RSC1A1: variants seen among roughly 807,000 people sequenced by gnomAD.
RSC1A1 encodes the protein regulator of solute carriers 1.
A neutral mutation model predicts 7.7 loss-of-function variants in RSC1A1; 6 were observed. The observed-to-expected ratio is 0.78, with a 90% confidence interval of 0.43 to 1.53. RSC1A1 has a LOEUF of 1.53. Among genes scored for constraint, RSC1A1 ranks in the 40% most tolerant of loss-of-function variants. The probability of loss-of-function intolerance (pLI) is 0.01; values close to 1 mark genes in which losing one functional copy is unlikely to be tolerated. For missense variants in RSC1A1, 729 were observed against 726.3 expected (o/e 1.00, Z -0.04); for synonymous variants, 250 against 263.0 (o/e 0.95, Z 0.48).
Position 15,660,875 on chromosome 1 carries a change from G to T in RSC1A1, c.1007G>T (p.Gly336Val). 2.5e-6 allele frequency: 4 copies of T among 1,614,132 alleles called. No homozygotes were observed. Among genetic ancestry groups the T allele is most frequent in the South Asian group, 1.1e-5 (1 of 91,080 alleles). Reference protein sequence around the residue: ...YGHYSSPSLCGSCQPSVESAE... With the variant: ...YGHYSSPSLCVSCQPSVESAE... ...CATTACTCCTCTCCAAGTCTCTGTG[G>T]CAGTTGTCAGCCTTCTGTGGAGTCA... is the stretch of plus-strand genomic sequence containing the variant. The change falls in exon 1 of 1, where the codon GGC becomes GTC. Residue 336 changes from glycine (G) to valine (V), a missense_variant. Physicochemically the swap from Gly to Val is moderately radical, Grantham distance 109. Transcript: ENST00000345034.
At chr1:15,659,955 T>TG in the RSC1A1 span, 1 of 1,614,218 alleles carries the variant, frequency 6.2e-7, no homozygotes, top group Non-Finnish European at 8.5e-7. Flanking sequence ...CTATGAGTCT[T>TG]GCTCGCTCTG....
In RSC1A1 at chr1:15,660,066, T is replaced by A; in HGVS notation, c.198T>A (p.Ser66=). 6.2e-7 allele frequency: 1 copy of A among 1,613,954 alleles called. No homozygotes were observed. The highest frequency in any genetic ancestry group is 1.7e-5 in the Admixed American group (1 of 59,920). ...CTTCAGCTGAATTCCAGCTAAACTCTGAAAAGAAAGAACATCTTTCTTTAC... is the reference window on the plus strand; with the variant it reads ...CTTCAGCTGAATTCCAGCTAAACTCAGAAAAGAAAGAACATCTTTCTTTAC... The part of the protein sequence containing the change: ...LKASAEFQLN[S]EKKEHLSLQD... The change falls in exon 1 of 1, where the codon TCT becomes TCA. Residue 66 remains serine (S), a synonymous_variant. Transcript: ENST00000345034.
At position 15,659,830 on chromosome 1, in the gene RSC1A1, C is replaced by T. The variant is rs1557625098; in HGVS notation, c.-39C>T. On this transcript the variant is annotated 5_prime_UTR_variant, in exon 1 of 1. Coordinates refer to ENST00000345034, the MANE Select transcript of RSC1A1 (RefSeq NM_006511.3). Reference sequence around the variant, plus strand: ...AATCTTTTTCCTTTCCCCTGTGTTCCATATAGAGAAAAGTGGTAAAGAATC... The same window carrying T: ...AATCTTTTTCCTTTCCCCTGTGTTCTATATAGAGAAAAGTGGTAAAGAATC... The T allele has an allele frequency of 1.3e-6, 2 of 1,519,776 alleles. No individual in the cohort carries two copies. The highest frequency in any genetic ancestry group is 1.8e-6 in the Non-Finnish European group (2 of 1,140,926). The allele number at this position is 1,519,776 out of a possible 1,614,324, so 94.1% of individuals were successfully genotyped here. A position where few individuals can be genotyped will look rare whatever the true frequency, so the allele number is the denominator to read the frequency against.
At position 15,661,774 on chromosome 1, in the gene RSC1A1, C is replaced by G; in HGVS notation, c.*52C>G. 6.5e-7 allele frequency: 1 copy of G among 1,539,010 alleles called. No individual in the cohort carries two copies. Reference sequence around the variant, plus strand: ...TCCATTCCCTTTAAACAAAAGAAAGCTCTCTCTATATACACGCACACATAC... The same window carrying G: ...TCCATTCCCTTTAAACAAAAGAAAGGTCTCTCTATATACACGCACACATAC... On this transcript the variant is annotated 3_prime_UTR_variant, in exon 1 of 1. Coordinates refer to ENST00000345034, the MANE Select transcript of RSC1A1 (RefSeq NM_006511.3).
In RSC1A1 at chr1:15,660,809, A is replaced by C; in HGVS notation, c.941A>C (p.Glu314Ala). Residue 314 changes from glutamate (E) to alanine (A), a missense_variant, in exon 1 of 1, where the codon GAA becomes GCA. Physicochemically the swap from Glu to Ala is moderately radical, Grantham distance 107. Transcript: ENST00000345034. ...TCCACTCAGGATTTACAGCCCCCAG[A>C]AACTAATGTTGAAATACCTGGAACA... ...SISTQDLQPP[E>A]TNVEIPGTNK... 6.2e-7 allele frequency: 1 copy of C among 1,614,176 alleles called. No homozygotes were observed. Among genetic ancestry groups the C allele is most frequent in the Non-Finnish European group, 8.5e-7 (1 of 1,180,014 alleles).
In RSC1A1 at chr1:15,659,919, A is replaced by G. The variant is rs760625323; in HGVS notation, c.51A>G (p.Ser17=). The part of the protein sequence containing the change: ...SDGFNHPARS[S]GQSPDVGNPM... The stretch of plus-strand genomic sequence containing the variant: ...GGTTTAACCATCCCGCCCGTTCTTC[A>G]GGACAGAGTCCTGATGTTGGTAATC... The change falls in exon 1 of 1, where the codon TCA becomes TCG. Residue 17 remains serine (S), a synonymous_variant. Coordinates refer to ENST00000345034, the MANE Select transcript of RSC1A1 (RefSeq NM_006511.3). 1 of 1,609,458 alleles carries G rather than the reference A, an allele frequency of 6.2e-7. No individual in the cohort carries two copies. Among genetic ancestry groups the G allele is most frequent in the South Asian group, 1.1e-5 (1 of 90,120 alleles).
rs372649223 is a variant in RSC1A1 at position 15,661,129 on chromosome 1, T to G, written c.1261T>G (p.Ser421Ala). 2 of 1,614,022 alleles carry G rather than the reference T, an allele frequency of 1.2e-6. No individual in the cohort carries two copies. The highest frequency in any genetic ancestry group is 4.5e-5 in the East Asian group (2 of 44,888). ...CPQVSFHQAISVSVETEKLTG... is the reference protein window; with the variant it reads ...CPQVSFHQAIAVSVETEKLTG... ...ACAAGTCTCCTTTCATCAGGCCATA[T>G]CTGTATCAGTGGAGACAGAAAAATT... Residue 421 changes from serine to alanine, a missense_variant, in exon 1 of 1, where the codon TCT (serine) becomes GCT (alanine). Coordinates refer to ENST00000345034, the MANE Select transcript of RSC1A1 (RefSeq NM_006511.3).
In RSC1A1 at chr1:15,660,095, A is replaced by G. The variant is rs1405220057; in HGVS notation, c.227A>G (p.Asp76Gly). Residue 76 changes from aspartate (D) to glycine (G), a missense_variant, in exon 1 of 1, where the codon GAT becomes GGT. Physicochemically the swap from Asp to Gly is moderately conservative, Grantham distance 94. Transcript: ENST00000345034. ...AAGAAAGAACATCTTTCTTTACAAGATCTTTCTGATCATGCTTCCTCAGCA... is the reference window on the plus strand; with the variant it reads ...AAGAAAGAACATCTTTCTTTACAAGGTCTTTCTGATCATGCTTCCTCAGCA... ...SEKKEHLSLQ[D>G]LSDHASSADH... 3 of 1,613,962 alleles carry G rather than the reference A, an allele frequency of 1.9e-6. No homozygotes were observed. The highest frequency in any genetic ancestry group is 2.5e-6 in the Non-Finnish European group (3 of 1,179,994).
chr1:15,660,104 A>C lies in RSC1A1; in HGVS notation c.236A>C (p.Asp79Ala). 1 of 1,614,154 alleles carries C rather than the reference A, an allele frequency of 6.2e-7. No individual in the cohort carries two copies. Among genetic ancestry groups the C allele is most frequent in the South Asian group, 1.1e-5 (1 of 91,080 alleles). ...KEHLSLQDLS[D>A]HASSADHAPT... ...CATCTTTCTTTACAAGATCTTTCTG[A>C]TCATGCTTCCTCAGCAGACCATGCT... Residue 79 changes from aspartate to alanine, a missense_variant, in exon 1 of 1, where the codon GAT becomes GCT. Physicochemically the swap from Asp to Ala is moderately radical, Grantham distance 126. Coordinates refer to ENST00000345034, the MANE Select transcript of RSC1A1 (RefSeq NM_006511.3).
In RSC1A1 at chr1:15,659,793, C is replaced by A. The variant is rs1640332320; in HGVS notation, c.-76C>A. 2.7e-6 allele frequency: 4 copies of A among 1,474,510 alleles called. No individual in the cohort carries two copies. Among genetic ancestry groups the A allele is most frequent in the Non-Finnish European group, 3.6e-6 (4 of 1,120,122 alleles). The allele number at this position is 1,474,510 out of a possible 1,614,324, so 91.3% of individuals were successfully genotyped here. On this transcript the variant is annotated 5_prime_UTR_variant, in exon 1 of 1. Transcript: ENST00000345034. ...CCTCTGGTAATTTAGTGGCATTAGT[C>A]ACCTGCTAATTAATCTTTTTCCTTT...
Position 15,661,957 on chromosome 1 carries a change from G to T in RSC1A1, c.*235G>T. On this transcript the variant is annotated 3_prime_UTR_variant, in exon 1 of 1. Coordinates refer to ENST00000345034, the MANE Select transcript of RSC1A1 (RefSeq NM_006511.3). The stretch of plus-strand genomic sequence containing the variant: ...AATTTAGGCCTTTTTAAATGTATTG[G>T]CAGTATGTGCATACAGAAGCTTTTT... 1 of 473,130 alleles carries T rather than the reference G, an allele frequency of 2.1e-6. No individual in the cohort carries two copies. 29.3% of individuals were successfully genotyped at this position (473,130 alleles called of 1,614,324 possible). A position where few individuals can be genotyped will look rare whatever the true frequency, so the allele number is the denominator to read the frequency against.
rs142452950 is a variant in RSC1A1 at position 15,660,482 on chromosome 1, A to T, written c.614A>T (p.Asn205Ile). The T allele has an allele frequency of 2.7e-3, 4,426 of 1,614,096 alleles. 10 individuals carry two copies. Among genetic ancestry groups the T allele is most frequent in the Non-Finnish European group, 3.4e-3 (3,996 of 1,180,014 alleles). Residue 205 changes from asparagine (N) to isoleucine (I), a missense_variant, in exon 1 of 1, where the codon AAT becomes ATT. Physicochemically the swap from Asn to Ile is moderately radical, Grantham distance 149. Transcript: ENST00000345034. ...DLELPEERQQNQHKIVDLEAT... is the reference protein window; with the variant it reads ...DLELPEERQQIQHKIVDLEAT... ...GAGCTTCCTGAAGAAAGGCAACAGA[A>T]TCAACACAAAATTGTTGATTTGGAA...
Position 15,660,426 on chromosome 1 carries a change from C to T in RSC1A1, c.558C>T (p.Asp186=). The T allele has an allele frequency of 6.2e-7, 1 of 1,614,000 alleles. No homozygotes were observed. ...YEVAQQKASH[D]QEYLCNIGDL... The stretch of plus-strand genomic sequence containing the variant: ...TTGCACAACAAAAAGCTTCACATGA[C>T]CAAGAATATCTTTGTAACATAGGGG... The change falls in exon 1 of 1, where the codon GAC becomes GAT. Residue 186 remains aspartate (D), a synonymous_variant. Transcript: ENST00000345034.
the RSC1A1 span, chr1:15,661,339 GA>G: frequency 1.6e-5 from 26 of 1,614,120 alleles, no homozygotes; most frequent in South Asian, 2.6e-4. Context: ...CTTAGGTGTA[GA>G]AATTTCACCC....
chr1:15,660,137 A>T lies in RSC1A1; in HGVS notation c.269A>T (p.Asp90Val), dbSNP rs1640341319. ...TCCTCAGCAGACCATGCTCCAACAG[A>T]CCAGAGTCCAGCTATGCCTATGCAG... ...HASSADHAPT[D>V]QSPAMPMQNS... is the part of the protein sequence containing the mutation. Residue 90 changes from aspartate (D) to valine (V), a missense_variant, in exon 1 of 1, where the codon GAC becomes GTC. Transcript: ENST00000345034. The T allele has an allele frequency of 1.2e-6, 2 of 1,614,206 alleles. No homozygotes were observed. The highest frequency in any genetic ancestry group is 1.7e-6 in the Non-Finnish European group (2 of 1,180,032).
chr1:15,660,696 T>C lies in RSC1A1; in HGVS notation c.828T>C (p.Gly276=). ...GRQNANVKNI[G]ALDLTLDNPL... ...AGAATGCCAATGTCAAGAACATTGG[T>C]GCATTGGATCTCACTTTAGATAATC... Residue 276 remains glycine, a synonymous_variant, in exon 1 of 1, where the codon GGT becomes GGC. Transcript: ENST00000345034. 1 of 1,614,150 alleles carries C rather than the reference T, an allele frequency of 6.2e-7. No homozygotes were observed. Among genetic ancestry groups the C allele is most frequent in the Non-Finnish European group, 8.5e-7 (1 of 1,180,036 alleles).
At position 15,660,454 on chromosome 1, in the gene RSC1A1, C is replaced by T; in HGVS notation, c.586C>T (p.Leu196Phe). Reference sequence around the variant, plus strand: ...AGAATATCTTTGTAACATAGGGGACCTTGAGCTTCCTGAAGAAAGGCAACA... The same window carrying T: ...AGAATATCTTTGTAACATAGGGGACTTTGAGCTTCCTGAAGAAAGGCAACA... The part of the protein sequence containing the change: ...DQEYLCNIGD[L>F]ELPEERQQNQ... Residue 196 changes from leucine (L) to phenylalanine (F), a missense_variant, in exon 1 of 1, where the codon CTT becomes TTT. Transcript: ENST00000345034. 3 of 1,614,104 alleles carry T rather than the reference C, an allele frequency of 1.9e-6. No homozygotes were observed. The highest frequency in any genetic ancestry group is 1.1e-5 in the South Asian group (1 of 91,076).
rs751616973 is a variant in RSC1A1, at chr1:15,660,179, T to C, written c.311T>C (p.Ile104Thr). 3.7e-6 allele frequency: 6 copies of C among 1,614,066 alleles called. No individual in the cohort carries two copies. The highest frequency in any genetic ancestry group is 5.1e-6 in the Non-Finnish European group (6 of 1,180,046). ...AMPMQNSSEE[I>T]TVAGNLEKSA... The stretch of plus-strand genomic sequence containing the variant: ...CCTATGCAGAATTCATCCGAAGAAA[T>C]AACTGTTGCAGGTAATCTGGAGAAA... The change falls in exon 1 of 1, where the codon ATA becomes ACA. Residue 104 changes from isoleucine to threonine, a missense_variant. Coordinates refer to ENST00000345034, the MANE Select transcript of RSC1A1 (RefSeq NM_006511.3).
chr1:15,661,697 C>T lies in RSC1A1; in HGVS notation c.1829C>T (p.Ala610Val). 6.2e-7 allele frequency: 1 copy of T among 1,606,654 alleles called. No individual in the cohort carries two copies. The highest frequency in any genetic ancestry group is 8.5e-7 in the Non-Finnish European group (1 of 1,177,026). ...NADLALLVLL[A>V]KNIVVPT ...GACCTTGCACTTCTTGTTTTGCTCG[C>T]AAAAAACATCGTAGTTCCTACATGA... Residue 610 changes from alanine to valine, a missense_variant, in exon 1 of 1, where the codon GCA (alanine) becomes GTA (valine). By Grantham distance (64) the Ala-to-Val change is moderately conservative. Coordinates refer to ENST00000345034, the MANE Select transcript of RSC1A1 (RefSeq NM_006511.3).
Sources: gnomAD v4.1 joint callset for allele counts on GRCh38, gnomAD v4.1.1 for gene constraint, MANE v1.5 for transcripts, NCBI Gene and HGNC (gene_info 2026-07-23, HGNC 2026-07-21) for gene names.